The following NGEF variants were observed in gnomAD, a reference collection of about 807,000 sequenced individuals.
The protein encoded by NGEF is ephexin-1.
In NGEF, 31 loss-of-function variants were observed where a neutral mutation model predicts 80.9. The observed-to-expected ratio is 0.38, with a 90% confidence interval of 0.29 to 0.52. The LOEUF is 0.52. NGEF is among the 20% of genes least tolerant of loss of function. The probability of loss-of-function intolerance (pLI) is 0.84; values close to 1 mark genes in which losing one functional copy is unlikely to be tolerated. For synonymous variants in NGEF, 371 were observed against 370.2 expected, an observed-to-expected ratio of 1.00 and a Z score of -0.03; for missense variants, 709 against 926.2, an observed-to-expected ratio of 0.77 and a Z score of 3.04.
chr2:233,001,418 G>C (rs946726203), intron 1 of NGEF, among the ~76,000 whole-genome samples: 1 of 152,252 alleles, frequency 6.6e-6, no homozygotes, highest in Non-Finnish European at 1.5e-5. Flanking sequence ...GGGCCCATAG[G>C]TAGGGGGAGG....
chr2:232,895,085 C>T (rs1257706274), intron 5 of NGEF, among the ~76,000 whole-genome samples, 169 bp from the exon 6 acceptor site: 4 of 152,138 alleles, frequency 2.6e-5, no homozygotes, highest in Non-Finnish European at 4.4e-5. Flanking sequence ...GTAACACCTG[C>T]GGCCGGGAAT....
Position 232,994,671 on chromosome 2 carries a change from T to C in NGEF, c.-75+18397A>G, listed in dbSNP as rs9678984. ...TTCGGCCCTTCGCTGGCTGAATGCATTGGGCATGTGGGTTCCCCTTGGGGC... is the reference window on the plus strand; with the variant it reads ...TTCGGCCCTTCGCTGGCTGAATGCACTGGGCATGTGGGTTCCCCTTGGGGC... On this transcript the variant is annotated intron_variant, in intron 1 of 14. Coordinates refer to ENST00000264051, the MANE Select transcript of NGEF (RefSeq NM_019850.3). 8.6e-3 allele frequency among the ~76,000 whole-genome samples: 1,305 copies of C among 152,230 alleles called. 24 individuals are homozygous for C. The highest frequency in any genetic ancestry group is 0.03 in the African/African-American group (1,233 of 41,532).
At position 232,971,243 on chromosome 2, in the gene NGEF, C is replaced by T. The variant is rs151193166; in HGVS notation, c.269-915G>A. Among the ~76,000 whole-genome samples, 649 of 152,248 alleles carry T rather than the reference C, an allele frequency of 4.3e-3. 7 individuals are homozygous for T. Among genetic ancestry groups the T allele is most frequent in the African/African-American group, 0.014 (580 of 41,526 alleles). The stretch of plus-strand genomic sequence containing the variant: ...GTGACCCAGTAGCCCATTTTGTCTG[C>T]TCCTTCTCTTCCCCAGCCCCCACCC... On this transcript the variant is annotated intron_variant, in intron 2 of 14. Coordinates refer to ENST00000264051, the MANE Select transcript of NGEF (RefSeq NM_019850.3).
intron 3 of NGEF, chr2:232,927,850 G>GCGGGGGCGGCGCGC: frequency 8.2e-7 from 1 of 1,215,810 alleles, no homozygotes. Context: ...AAAGAGGCAC[G>GCGGGGGCGGCGCGC]CGGGGGCGGC....
At chr2:232,883,075 A>ATG (rs1691564050) in intron 12 of NGEF, among the ~76,000 whole-genome samples, 1 of 139,206 alleles carries the variant, frequency 7.2e-6, no homozygotes, top group Non-Finnish European at 1.6e-5. Flanking sequence ...ACACACACAC[A>ATG]CACACACGCA....
At position 232,974,855 on chromosome 2, in the gene NGEF, G is replaced by T. The variant is rs768125826; in HGVS notation, c.36C>A (p.Thr12=). The T allele has an allele frequency of 6.2e-7, 1 of 1,613,816 alleles. No individual in the cohort carries two copies. The highest frequency in any genetic ancestry group is 8.5e-7 in the Non-Finnish European group (1 of 1,179,968). ...ATTGATCACTTGCTGATTTCCTCCG[G>T]GTCTTTTCCAAATCTTCAGATTCCC... The part of the protein sequence containing the change: ...ETRESEDLEK[T]RRKSASDQWN... Residue 12 remains threonine (T), a synonymous_variant, in exon 2 of 15, where the codon ACC becomes ACA. Transcript: ENST00000264051.
At chr2:232,901,777 G>A (rs558125532) in intron 5 of NGEF, among the ~76,000 whole-genome samples, 1 of 152,368 alleles carries the variant, frequency 6.6e-6, no homozygotes, top group African/African-American at 2.4e-5. Flanking sequence ...GGGAGGGAGG[G>A]GATGAAGAGA....
chr2:232,995,570 GTA>G (rs376559337), intron 1 of NGEF, among the ~76,000 whole-genome samples: 111 of 788 alleles, frequency 0.14, 50 homozygotes, highest in Non-Finnish European at 0.7. Context: ...TATGTATACT[GTA>G]TATATATATA....
intron 1 of NGEF, among the ~76,000 whole-genome samples, chr2:233,002,308 A>G (rs969735934): frequency 2.0e-5 from 3 of 152,228 alleles, no homozygotes; most frequent in Non-Finnish European, 2.9e-5. Flanking sequence ...GATGAAAATA[A>G]ATGAAGTAAG....
rs1383151908 is a variant in NGEF at position 232,969,917 on chromosome 2, C to A, written c.383+297G>T. ...TTGTTACTTGTGCCTGTAATCCCAG[C>A]TCTTTGGGAGGCTGAGGCTGGAGAA... On this transcript the variant is annotated intron_variant, in intron 3 of 14. Coordinates refer to ENST00000264051, the MANE Select transcript of NGEF (RefSeq NM_019850.3). 12 of 186,736 alleles carry A rather than the reference C, an allele frequency of 6.4e-5. No homozygotes were observed. The South Asian group carries it at 1.0e-3, about 16-fold the overall frequency. The allele number at this position is 186,736 out of a possible 1,614,324, so 11.6% of individuals were successfully genotyped here.
rs76589357 is a variant in NGEF at position 232,979,236 on chromosome 2, G to T, written c.-74-4272C>A. 7.1e-4 allele frequency among the ~76,000 whole-genome samples: 108 copies of T among 152,150 alleles called. 2 individuals are homozygous for T. In the East Asian group the frequency reaches 0.021, roughly 29 times the overall value. On this transcript the variant is annotated intron_variant, in intron 1 of 14. Coordinates refer to ENST00000264051, the MANE Select transcript of NGEF (RefSeq NM_019850.3). ...ATTTGGTGATCCAGGGAGGCTCAGAGGGTCCTTAGAGGGATGTTCATGGTA... is the reference window on the plus strand; with the variant it reads ...ATTTGGTGATCCAGGGAGGCTCAGATGGTCCTTAGAGGGATGTTCATGGTA...
chr2:232,879,793 G>A (rs948628234), intron 14 of NGEF, 114 bp from the exon 15 acceptor site: 3 of 982,290 alleles, frequency 3.1e-6, no homozygotes, highest in African/African-American at 3.3e-5. Flanking sequence ...GGTCCAGCTG[G>A]CCTTTCCCAA....
intron 4 of NGEF, among the ~76,000 whole-genome samples, chr2:232,922,183 C>T (rs531793693): frequency 1.5e-4 from 23 of 152,322 alleles, no homozygotes; most frequent in African/African-American, 4.8e-4. Context: ...GCTCTTACAA[C>T]GCAGTACAAC....
intron 1 of NGEF, among the ~76,000 whole-genome samples, chr2:232,986,131 T>C (rs767950975): frequency 4.1e-4 from 63 of 152,048 alleles, no homozygotes; most frequent in Non-Finnish European, 7.2e-4. Context: ...AGATCACTGA[T>C]CAATAGAAAA....
At chr2:232,934,735 G>A (rs544626192) in intron 3 of NGEF, among the ~76,000 whole-genome samples, 12 of 152,256 alleles carry the variant, frequency 7.9e-5, no homozygotes, top group South Asian at 2.1e-4. Context: ...AGGTGCAGTC[G>A]CTCACATCTG....
chr2:232,882,619 C>T (rs573017067), intron 12 of NGEF, among the ~76,000 whole-genome samples: 6 of 152,362 alleles, frequency 3.9e-5, no homozygotes, highest in East Asian at 1.9e-4. Context: ...TTTCTCATCC[C>T]GACAGGTCCT....
chr2:232,886,903 G>A (rs1440091766), intron 9 of NGEF, among the ~76,000 whole-genome samples: 2 of 152,216 alleles, frequency 1.3e-5, no homozygotes, highest in African/African-American at 4.8e-5. Flanking sequence ...CACAGGTCGC[G>A]GATGCCCCCT....
intron 5 of NGEF, among the ~76,000 whole-genome samples, chr2:232,907,115 C>T (rs1032914991): frequency 3.2e-4 from 47 of 148,410 alleles, no homozygotes; most frequent in Non-Finnish European, 5.8e-4. Flanking sequence ...GTCCTATGAC[C>T]CTGCCAAATC....
chr2:233,002,705 T>G (rs1695006117), intron 1 of NGEF, among the ~76,000 whole-genome samples: 1 of 152,112 alleles, frequency 6.6e-6, no homozygotes, highest in Non-Finnish European at 1.5e-5. Flanking sequence ...AGAAAGCAAT[T>G]GATTGACGTT....
Sources: gnomAD v4.1 joint callset for allele counts (sites outside exome capture counted in the v4.1 genomes callset) on GRCh38, gnomAD v4.1.1 for gene constraint, MANE v1.5 for transcripts, NCBI Gene and HGNC (gene_info 2026-07-23, HGNC 2026-07-21) for gene names.